The following SRD5A1 variants were observed in gnomAD, a reference collection of about 807,000 sequenced individuals.
SRD5A1 encodes the protein steroid 5 alpha-reductase 1.
In SRD5A1, 22 loss-of-function variants were observed where a neutral mutation model predicts 28.2. That is an observed-to-expected ratio of 0.78 (90% CI 0.56 to 1.12). The LOEUF (loss-of-function observed/expected upper bound fraction) is 1.12. Among genes scored for constraint, SRD5A1 ranks in the 50% most tolerant of loss-of-function variants. The pLI is 0.00. For synonymous variants in SRD5A1, 151 were observed against 135.0 expected (o/e 1.12, Z -0.82); for missense variants, 300 against 346.7 (o/e 0.87, Z 1.07).
Position 6,674,244 on chromosome 5 carries a change from A to G in SRD5A1, c.*5976A>G, listed in dbSNP as rs991646446. On this transcript the variant is annotated 3_prime_UTR_variant, in exon 5 of 5. Coordinates refer to ENST00000274192, the MANE Select transcript of SRD5A1 (RefSeq NM_001047.4). ...ATATCATCAACTGTAACTAGTGTAC[A>G]ACACTAATGCAAGATGTTAATAGGG... is the stretch of plus-strand genomic sequence containing the variant. The G allele has an allele frequency of 2.6e-5, 4 of 152,236 alleles. No homozygotes were observed. Among genetic ancestry groups the G allele is most frequent in the African/African-American group, 9.6e-5 (4 of 41,536 alleles). 9.4% of individuals were successfully genotyped at this position (152,236 alleles called of 1,614,324 possible).
chr5:6,651,797 A>G, intron 1 of SRD5A1, 45 bp from the exon 2 acceptor site: 2 of 1,530,050 alleles, frequency 1.3e-6, no homozygotes, highest in South Asian at 1.2e-5. Context: ...AGAAATGATT[A>G]TCTTTAATTT....
At chr5:6,659,883 C>T (rs992075464) in intron 3 of SRD5A1, among the ~76,000 whole-genome samples, 2 of 152,072 alleles carry the variant, frequency 1.3e-5, no homozygotes, top group Non-Finnish European at 2.9e-5. Flanking sequence ...GGCTTTGTGA[C>T]CAGCTCCCTT....
intron 4 of SRD5A1, among the ~76,000 whole-genome samples, chr5:6,665,504 T>A (rs941352481): frequency 1.3e-5 from 2 of 152,230 alleles, no homozygotes; most frequent in Non-Finnish European, 2.9e-5. Context: ...AATACAACGT[T>A]ATCTCTCTAA....
chr5:6,657,066 A>T (rs867961868), intron 3 of SRD5A1, among the ~76,000 whole-genome samples: 10 of 152,378 alleles, frequency 6.6e-5, no homozygotes, highest in Middle Eastern at 3.4e-3. Context: ...AAAATTTTTT[A>T]AAGTACATAA....
At chr5:6,650,402 C>A (rs1453172153) in intron 1 of SRD5A1, among the ~76,000 whole-genome samples, 1 of 149,288 alleles carries the variant, frequency 6.7e-6, no homozygotes, top group Non-Finnish European at 1.5e-5. Flanking sequence ...CAGAGCAAGA[C>A]CCTGTCTTGA....
At chr5:6,637,083 G>A (rs936175158) in intron 1 of SRD5A1, among the ~76,000 whole-genome samples, 4 of 152,108 alleles carry the variant, frequency 2.6e-5, no homozygotes, top group Admixed American at 6.5e-5. Context: ...ATCCCAGGGC[G>A]CTTGGGTTCT....
At chr5:6,637,212 C>G (rs1738210956) in intron 1 of SRD5A1, among the ~76,000 whole-genome samples, 1 of 152,056 alleles carries the variant, frequency 6.6e-6, no homozygotes, top group Non-Finnish European at 1.5e-5. Flanking sequence ...GCAGGCCTCC[C>G]TAGGGCCTTC....
At chr5:6,662,248 T>C (rs1055782537) in intron 3 of SRD5A1, among the ~76,000 whole-genome samples, 1 of 152,166 alleles carries the variant, frequency 6.6e-6, no homozygotes. Flanking sequence ...CCATCCCAGC[T>C]CCGGGGCCCC....
chr5:6,643,295 T>G (rs1396810659), intron 1 of SRD5A1, among the ~76,000 whole-genome samples: 1 of 152,064 alleles, frequency 6.6e-6, no homozygotes, highest in African/African-American at 2.4e-5. Flanking sequence ...TCATCTGCCT[T>G]GCTTTTTCTT....
intron 1 of SRD5A1, among the ~76,000 whole-genome samples, chr5:6,635,007 AC>A (rs1400933910): frequency 6.6e-6 from 1 of 152,198 alleles, no homozygotes; most frequent in Non-Finnish European, 1.5e-5. Flanking sequence ...TTGGGGTCCC[AC>A]CTTAAAACAC....
chr5:6,666,863 C>A (rs1264351033), intron 4 of SRD5A1, among the ~76,000 whole-genome samples: 1 of 152,292 alleles, frequency 6.6e-6, no homozygotes, highest in South Asian at 2.1e-4. Flanking sequence ...CCTGCCCTCT[C>A]GTGTTTGCCC....
At chr5:6,637,254 C>T (rs922770426) in intron 1 of SRD5A1, among the ~76,000 whole-genome samples, 1 of 152,108 alleles carries the variant, frequency 6.6e-6, no homozygotes, top group African/African-American at 2.4e-5. Flanking sequence ...TCACCTTTGC[C>T]CTCTGCTCTG....
chr5:6,650,748 C>T (rs1014124166), intron 1 of SRD5A1, among the ~76,000 whole-genome samples: 2 of 150,342 alleles, frequency 1.3e-5, no homozygotes, highest in Admixed American at 6.6e-5. Flanking sequence ...CCCACTAACT[C>T]GTCATCTAGC....
intron 3 of SRD5A1, among the ~76,000 whole-genome samples, chr5:6,660,693 T>A (rs1302474602): frequency 6.6e-6 from 1 of 152,238 alleles, no homozygotes; most frequent in Non-Finnish European, 1.5e-5. Context: ...TTGATATTTT[T>A]ATGTTTTATA....
chr5:6,652,526 T>C (rs1259581609), intron 2 of SRD5A1, among the ~76,000 whole-genome samples: 1 of 152,112 alleles, frequency 6.6e-6, no homozygotes. Context: ...TTTTAAGTTC[T>C]AAGCAAAAAT....
intron 1 of SRD5A1, among the ~76,000 whole-genome samples, chr5:6,643,617 G>A (rs1373819002): frequency 1.3e-5 from 2 of 152,236 alleles, no homozygotes; most frequent in South Asian, 2.1e-4. Context: ...ACTGTTGAGG[G>A]TGCTCCCAGT....
chr5:6,662,717 C>A, intron 3 of SRD5A1, 99 bp from the exon 4 acceptor site: 1 of 1,344,278 alleles, frequency 7.4e-7, no homozygotes, highest in Non-Finnish European at 1.0e-6. Flanking sequence ...TTTTTCCGTT[C>A]TTGAATTTAT....
rs567776382 is a variant in SRD5A1, at chr5:6,651,970, A to C, written c.422A>C (p.Tyr141Ser). ...AGATACTTGAGCCATTGTGCAGTGT[A>C]TGCTGATGACTGGGTAACAGATCCC... ...QSRYLSHCAV[Y>S]ADDWVTDPRF... Residue 141 changes from tyrosine to serine, a missense_variant, in exon 2 of 5, where the codon TAT becomes TCT. Around this residue, in one of 2 missense-constraint regions of SRD5A1, gnomAD observed 126 missense variants for 185.7 expected, o/e 0.68. Coordinates refer to ENST00000274192, the MANE Select transcript of SRD5A1 (RefSeq NM_001047.4). 9 of 1,614,084 alleles carry C rather than the reference A, an allele frequency of 5.6e-6. No homozygotes were observed. Among genetic ancestry groups the C allele is most frequent in the African/African-American group, 1.3e-5 (1 of 75,062 alleles).
At chr5:6,643,261 C>A (rs248807) in intron 1 of SRD5A1, among the ~76,000 whole-genome samples, 22,027 of 152,058 alleles carry the variant, frequency 0.14, 1,762 homozygotes, top group East Asian at 0.24. Flanking sequence ...CATAGACTCA[C>A]CCAGAGCCGA....
Sources: gnomAD v4.1 joint callset for allele counts (sites outside exome capture counted in the v4.1 genomes callset) on GRCh38, gnomAD v4.1.1 for gene constraint, gnomAD v4.1.1 regional missense constraint, MANE v1.5 for transcripts, NCBI Gene and HGNC (gene_info 2026-07-23, HGNC 2026-07-21) for gene names.